The following NTRK3 variants were observed in gnomAD, a reference collection of about 807,000 sequenced individuals.
NTRK3 encodes neurotrophic receptor tyrosine kinase 3, also known as NT-3 growth factor receptor.
Under a neutral mutation model 91.7 loss-of-function variants are expected in NTRK3, and 24 were observed. The observed-to-expected ratio is 0.26, with a 90% CI of 0.19 to 0.37. NTRK3 has a LOEUF of 0.37. Ranked by LOEUF, NTRK3 falls within the 10% of genes least tolerant of loss-of-function variation. The pLI is 1.00. For missense variants in NTRK3, 880 were observed against 1,068.9 expected, an observed-to-expected ratio of 0.82 and a Z score of 2.46; for synonymous variants, 483 against 404.0, an observed-to-expected ratio of 1.20 and a Z score of -2.34.
chr15:87,991,533 G>C (rs2075288794), intron 14 of NTRK3, among the ~76,000 whole-genome samples: 1 of 152,142 alleles, frequency 6.6e-6, no homozygotes, highest in Admixed American at 6.5e-5. Context: ...CACAATGGCA[G>C]CTGGCTTCTT....
At chr15:87,927,437 C>T (rs2068414802) in intron 17 of NTRK3, 1 of 152,246 alleles carries the variant, frequency 6.6e-6, no homozygotes, top group Non-Finnish European at 1.5e-5. Flanking sequence ...TTCCCAGCCT[C>T]TGGTCCACTA....
intron 13 of NTRK3, among the ~76,000 whole-genome samples, chr15:88,060,061 G>A (rs188526292): frequency 1.5e-4 from 23 of 152,110 alleles, no homozygotes; most frequent in African/African-American, 5.1e-4. Context: ...CCTCACGGAG[G>A]TGACATCTTA....
chr15:87,883,115 G>GTA (rs34196857), intron 17 of NTRK3, among the ~76,000 whole-genome samples: 2,260 of 149,642 alleles, frequency 0.015, 66 homozygotes, highest in African/African-American at 0.051. Context: ...GCATATACAT[G>GTA]TATATATATA....
In NTRK3 at chr15:88,157,581, C is replaced by G. The variant is rs146634343; in HGVS notation, c.396-10178G>C. Among the ~76,000 whole-genome samples, 427 of 152,116 alleles carry G rather than the reference C, an allele frequency of 2.8e-3. 3 individuals carry two copies. In the Middle Eastern group the frequency reaches 0.031, roughly 11 times the overall value. On this transcript the variant is annotated intron_variant, in intron 5 of 18. Coordinates refer to ENST00000394480, the Ensembl canonical transcript of NTRK3. ...TTCCCTCCAGTAGGCATGCTTTTCT[C>G]GGTGTCAGCACAAACCTTCACGTCT... is the stretch of plus-strand genomic sequence containing the variant.
intron 14 of NTRK3, among the ~76,000 whole-genome samples, chr15:87,970,980 A>G (rs1196672670): frequency 6.6e-6 from 1 of 152,198 alleles, no homozygotes; most frequent in Non-Finnish European, 1.5e-5. Flanking sequence ...CTGAAAATGC[A>G]CAGTGGGGTT....
intron 3 of NTRK3, among the ~76,000 whole-genome samples, chr15:88,201,406 C>G (rs1212224561): frequency 6.6e-6 from 1 of 152,126 alleles, no homozygotes; most frequent in Non-Finnish European, 1.5e-5. Context: ...TGTGTGAAGC[C>G]ACCATATCAT....
At chr15:88,004,810 G>A (rs748985405) in intron 14 of NTRK3, among the ~76,000 whole-genome samples, 4 of 152,108 alleles carry the variant, frequency 2.6e-5, no homozygotes, top group East Asian at 1.9e-4. Flanking sequence ...GATCAGAATC[G>A]TAGCACTAGG....
At chr15:88,038,635 G>T (rs2079293426) in intron 13 of NTRK3, among the ~76,000 whole-genome samples, 2 of 152,270 alleles carry the variant, frequency 1.3e-5, no homozygotes, top group South Asian at 2.1e-4. Context: ...ATGGGTAGGG[G>T]CATGGGGTAG....
intron 13 of NTRK3, among the ~76,000 whole-genome samples, chr15:88,082,202 C>T (rs1235885310): frequency 2.7e-5 from 4 of 150,440 alleles, no homozygotes; most frequent in Admixed American, 1.3e-4. Context: ...GGAGTGAACC[C>T]GGGAGGTGGA....
At chr15:88,028,216 C>T (rs969156493) in intron 14 of NTRK3, among the ~76,000 whole-genome samples, 15 of 151,910 alleles carry the variant, frequency 9.9e-5, no homozygotes, top group African/African-American at 1.2e-4. Context: ...CAGCAGGGGG[C>T]GCCATCCCAT....
At chr15:88,097,394 C>T (rs996393135) in intron 13 of NTRK3, among the ~76,000 whole-genome samples, 9 of 152,088 alleles carry the variant, frequency 5.9e-5, no homozygotes, top group South Asian at 2.1e-4. Context: ...GTGACAGGAA[C>T]GCACTGATAA....
chr15:88,160,767 G>C (rs2044375846), intron 5 of NTRK3, among the ~76,000 whole-genome samples: 1 of 152,236 alleles, frequency 6.6e-6, no homozygotes, highest in Non-Finnish European at 1.5e-5. Context: ...GTGTATGATG[G>C]AGAAGCTCAT....
At chr15:87,943,309 C>T (rs1449040572) in intron 14 of NTRK3, among the ~76,000 whole-genome samples, 1 of 152,074 alleles carries the variant, frequency 6.6e-6, no homozygotes, top group Non-Finnish European at 1.5e-5. Context: ...TTAGCCATGC[C>T]TCACTTCCAG....
At chr15:88,165,034 C>T (rs1204975864) in intron 5 of NTRK3, among the ~76,000 whole-genome samples, 1 of 152,186 alleles carries the variant, frequency 6.6e-6, no homozygotes, top group Non-Finnish European at 1.5e-5. Flanking sequence ...CCCCATCCCA[C>T]TTGGTTCCAT....
At chr15:88,106,768 T>C (rs1327991108) in intron 13 of NTRK3, among the ~76,000 whole-genome samples, 7 of 151,886 alleles carry the variant, frequency 4.6e-5, no homozygotes, top group African/African-American at 1.7e-4. Context: ...CTGTCTCTAC[T>C]AAAAATACAA....
intron 13 of NTRK3, among the ~76,000 whole-genome samples, chr15:88,052,529 G>C (rs558391597): frequency 6.6e-6 from 1 of 152,346 alleles, no homozygotes; most frequent in African/African-American, 2.4e-5. Context: ...TCTGCTGTCA[G>C]AGGTGTCAGG....
At chr15:87,927,925 T>C (rs2068462210) in intron 17 of NTRK3, 2 of 152,210 alleles carry the variant, frequency 1.3e-5, no homozygotes, top group Admixed American at 6.5e-5. Flanking sequence ...CTCCTTATAA[T>C]GTCTATCCAA....
Position 87,877,133 on chromosome 15 carries a change from GA to G in NTRK3, c.2293-14del, listed in dbSNP as rs1567060560. 1 of 1,613,300 alleles carries G rather than the reference GA, an allele frequency of 6.2e-7. No individual in the cohort carries two copies. ...TGCACTCAATGACCTGAAAGAGTGAGAAGAACAAGGAAGTTACACCCAAAGC... is the reference window on the plus strand; with the variant it reads ...TGCACTCAATGACCTGAAAGAGTGAGAGAACAAGGAAGTTACACCCAAAGC... On this transcript the variant is annotated splice_polypyrimidine_tract_variant and intron_variant, in intron 18 of 18. Coordinates refer to ENST00000394480, the Ensembl canonical transcript of NTRK3.
chr15:88,056,789 C>T (rs2045734115), intron 13 of NTRK3, among the ~76,000 whole-genome samples: 3 of 152,200 alleles, frequency 2.0e-5, no homozygotes, highest in Non-Finnish European at 2.9e-5. Context: ...ACATGTTCTT[C>T]CTGGTTGGCT....
Sources: gnomAD v4.1 joint callset for allele counts (sites outside exome capture counted in the v4.1 genomes callset) on GRCh38, gnomAD v4.1.1 for gene constraint, MANE v1.5 for transcripts, NCBI Gene and HGNC (gene_info 2026-07-23, HGNC 2026-07-21) for gene names.